SPOP: variants seen among roughly 807,000 people sequenced by gnomAD.
SPOP encodes speckle type BTB/POZ protein.
In SPOP, 11 loss-of-function variants were observed where a neutral mutation model predicts 45.6. The observed-to-expected ratio is 0.24, with a 90% CI of 0.15 to 0.40. SPOP has a LOEUF of 0.40. Among genes scored for constraint, SPOP ranks in the 10% least tolerant of loss-of-function variants. SPOP has a pLI of 1.00. For missense variants in SPOP, 152 were observed against 465.6 expected (o/e 0.33, Z 6.20); for synonymous variants, 166 against 166.3 (o/e 1.00, Z 0.01).
At chr17:49,611,144 T>A (rs2071964753) in intron 6 of SPOP, 136 bp downstream of exon 6, 1 of 953,312 alleles carries the variant, frequency 1.0e-6, no homozygotes, top group Non-Finnish European at 1.6e-6. Context: ...GTTACCGGAA[T>A]ACAAAGATAT....
At chr17:49,652,527 C>T (rs1371184188) in intron 1 of SPOP, among the ~76,000 whole-genome samples, 1 of 152,140 alleles carries the variant, frequency 6.6e-6, no homozygotes, top group Non-Finnish European at 1.5e-5. Flanking sequence ...AAAAGAGTAA[C>T]TCATATGTTC....
At chr17:49,667,605 A>G (rs1305717092) in intron 1 of SPOP, among the ~76,000 whole-genome samples, 2 of 152,164 alleles carry the variant, frequency 1.3e-5, no homozygotes, top group Non-Finnish European at 1.5e-5. Flanking sequence ...AAAAAAAGAA[A>G]AAGTATTAGG....
intron 1 of SPOP, among the ~76,000 whole-genome samples, chr17:49,624,383 G>A (rs1224127599): frequency 6.6e-6 from 1 of 150,722 alleles, no homozygotes; most frequent in African/African-American, 2.5e-5. Context: ...TCAGATAATG[G>A]ATATGTTAAT....
rs1192747789 is a variant in SPOP at position 49,599,973 on chromosome 17, C to CGAA, written c.*404_*405insTTC. 8.6e-6 allele frequency: 2 copies of CGAA among 233,092 alleles called. No homozygotes were observed. Among genetic ancestry groups the CGAA allele is most frequent in the Middle Eastern group, 1.3e-3 (1 of 794 alleles). The allele number at this position is 233,092 out of a possible 1,614,324, so 14.4% of individuals were successfully genotyped here. On this transcript the variant is annotated 3_prime_UTR_variant, in exon 10 of 10. Coordinates refer to ENST00000504102, the MANE Select transcript of SPOP (RefSeq NM_001007228.2). ...TTCTGCAAAAATCTTTTCTTCTTTCCTTTTCCCTTCTGTTAAAACTCAATG... is the reference window on the plus strand; with the variant it reads ...TTCTGCAAAAATCTTTTCTTCTTTCCGAATTTTCCCTTCTGTTAAAACTCAATG...
intron 1 of SPOP, among the ~76,000 whole-genome samples, chr17:49,666,818 G>C (rs567549080): frequency 2.8e-4 from 43 of 151,896 alleles, no homozygotes; most frequent in Non-Finnish European, 1.5e-5. Flanking sequence ...AACAGAATAA[G>C]ACTCCATCTC....
At chr17:49,622,178 A>C in intron 2 of SPOP, 111 bp from the exon 3 acceptor site, 1 of 1,392,144 alleles carries the variant, frequency 7.2e-7, no homozygotes, top group Non-Finnish European at 9.9e-7. Context: ...TCCTGATAGG[A>C]AGATAGCAGT....
At chr17:49,656,749 G>A (rs914287501) in intron 1 of SPOP, among the ~76,000 whole-genome samples, 2 of 152,118 alleles carry the variant, frequency 1.3e-5, no homozygotes, top group African/African-American at 4.8e-5. Context: ...GCCAATTAAC[G>A]TAGGATGCCC....
At chr17:49,641,730 G>C (rs537617934) in intron 1 of SPOP, among the ~76,000 whole-genome samples, 3 of 152,172 alleles carry the variant, frequency 2.0e-5, no homozygotes, top group South Asian at 4.2e-4. Flanking sequence ...CTTAACAAAT[G>C]TGTAATAGTG....
At chr17:49,646,944 T>C (rs1449296254) in intron 1 of SPOP, among the ~76,000 whole-genome samples, 3 of 152,138 alleles carry the variant, frequency 2.0e-5, no homozygotes, top group Non-Finnish European at 4.4e-5. Flanking sequence ...GATACTTATA[T>C]TCTCTAGCTT....
In SPOP at chr17:49,649,265, C is replaced by T. The variant is rs117523308; in HGVS notation, c.-66-26389G>A. ...TAGAAAGTAAACTATGGGCCGGGAG[C>T]TGTGGCTCACGCCTGTAATCCCAGC... is the stretch of plus-strand genomic sequence containing the variant. On this transcript the variant is annotated intron_variant, in intron 1 of 9. Coordinates refer to ENST00000504102, the MANE Select transcript of SPOP (RefSeq NM_001007228.2). Among the ~76,000 whole-genome samples, 360 of 152,208 alleles carry T rather than the reference C, an allele frequency of 2.4e-3. 3 individuals carry two copies. In the East Asian group the frequency reaches 0.025, roughly 10 times the overall value.
intron 3 of SPOP, among the ~76,000 whole-genome samples, chr17:49,621,196 TA>T (rs1303184578): frequency 2.0e-5 from 3 of 152,176 alleles, no homozygotes; most frequent in Non-Finnish European, 4.4e-5. Flanking sequence ...AATGCAAACG[TA>T]AAACAATTGG....
chr17:49,617,172 A>G (rs1313131310), intron 5 of SPOP, among the ~76,000 whole-genome samples: 1 of 152,236 alleles, frequency 6.6e-6, no homozygotes, highest in Non-Finnish European at 1.5e-5. Flanking sequence ...GGTATTGCCT[A>G]ACACTGCCAG....
At chr17:49,646,521 A>G (rs963527292) in intron 1 of SPOP, 1 of 146,862 alleles carries the variant, frequency 6.8e-6, no homozygotes, top group South Asian at 2.1e-4. Flanking sequence ...GACCGTCTCA[A>G]AAAAAAAAAA....
At chr17:49,612,573 T>C (rs1188920720) in intron 5 of SPOP, among the ~76,000 whole-genome samples, 1 of 152,216 alleles carries the variant, frequency 6.6e-6, no homozygotes, top group Non-Finnish European at 1.5e-5. Flanking sequence ...AGTTAACTTC[T>C]AGGTGAGTCA....
intron 1 of SPOP, among the ~76,000 whole-genome samples, chr17:49,673,289 A>C (rs1185938699): frequency 6.6e-6 from 1 of 152,006 alleles, no homozygotes; most frequent in Non-Finnish European, 1.5e-5. Context: ...GTGGATCACG[A>C]GGTCAGGAGA....
At chr17:49,622,911 G>C (rs2072248207) in intron 1 of SPOP, 35 bp from the exon 2 acceptor site, 14 of 933,180 alleles carry the variant, frequency 1.5e-5, no homozygotes, top group Non-Finnish European at 2.2e-5. Flanking sequence ...AACTTTATTA[G>C]ATTATTAAGA....
intron 5 of SPOP, 23 bp from the exon 6 acceptor site, chr17:49,611,480 A>G: frequency 6.2e-7 from 1 of 1,609,928 alleles, no homozygotes; most frequent in Non-Finnish European, 8.5e-7. Context: ...AGGAAACACA[A>G]GCCAAGCTTT....
chr17:49,651,584 T>C (rs1316933216), intron 1 of SPOP, among the ~76,000 whole-genome samples: 1 of 152,260 alleles, frequency 6.6e-6, no homozygotes, highest in East Asian at 1.9e-4. Context: ...ATTCTTAAGA[T>C]GTGAAAGGTG....
rs1261567055 is a variant in SPOP, at chr17:49,600,475, A to C, written c.1028T>G (p.Val343Gly). 6.2e-7 allele frequency: 1 copy of C among 1,614,150 alleles called. No homozygotes were observed. The highest frequency in any genetic ancestry group is 1.3e-5 in the African/African-American group (1 of 75,034). ...LETSGWKSMV[V>G]SHPHLVAEAY... Reference sequence around the variant, plus strand: ...CTCAGCCACCAAGTGGGGATGTGACACCACCATTGACTTCCACCCAGAGGT... The same window carrying C: ...CTCAGCCACCAAGTGGGGATGTGACCCCACCATTGACTTCCACCCAGAGGT... The change falls in exon 10 of 10, where the codon GTG (valine) becomes GGG (glycine). Residue 343 changes from valine (V) to glycine (G), a missense_variant. By Grantham distance (109) the Val-to-Gly change is moderately radical. Around this residue, in one of 3 missense-constraint regions of SPOP, gnomAD observed 106 missense variants for 255.2 expected, o/e 0.42. Coordinates refer to ENST00000504102, the MANE Select transcript of SPOP (RefSeq NM_001007228.2). This position sits in a 1 kb window ranked among gnomAD's most constrained non-coding sequence, Gnocchi z 4.2.
Sources: gnomAD v4.1 joint callset for allele counts (sites outside exome capture counted in the v4.1 genomes callset) on GRCh38, gnomAD v4.1.1 for gene constraint, gnomAD v4.1.1 regional missense constraint, Gnocchi (gnomAD v3.1) non-coding constraint, MANE v1.5 for transcripts, NCBI Gene and HGNC (gene_info 2026-07-23, HGNC 2026-07-21) for gene names.